The following THAP1 variants were observed in gnomAD, a reference collection of about 807,000 sequenced individuals.
THAP1 encodes THAP domain-containing protein 1.
Under a neutral mutation model 18.2 loss-of-function variants are expected in THAP1, and 6 were observed. The observed-to-expected ratio is 0.33, with a 90% CI of 0.18 to 0.65. The LOEUF is 0.65. THAP1 is among the 30% of genes least tolerant of loss of function. THAP1 has a pLI of 0.74. For synonymous variants in THAP1, 85 were observed against 90.5 expected (o/e 0.94, Z 0.34); for missense variants, 176 against 253.0 (o/e 0.70, Z 2.06).
chr8:42,839,559 A>C (rs551291803), intron 1 of THAP1, among the ~76,000 whole-genome samples, 178 bp from the exon 2 acceptor site: 172 of 152,292 alleles, frequency 1.1e-3, no homozygotes, highest in African/African-American at 3.8e-3. Context: ...ATTTTTTAAA[A>C]ATTTTTTTGA....
rs1375424771 is a variant in THAP1 at position 42,838,495 on chromosome 8, T to C, written c.268-159A>G. The stretch of plus-strand genomic sequence containing the variant: ...TGAGGTCAGGAGTTTGAGACCAGCC[T>C]GGCCAACATGGTGAAACCCTGTCTC... On this transcript the variant is annotated intron_variant, in intron 2 of 2. Transcript: ENST00000254250. Among the ~76,000 whole-genome samples the C allele has an allele frequency of 5.9e-5, 9 of 152,150 alleles. No homozygotes were observed. Among genetic ancestry groups the C allele is most frequent in the Admixed American group, 3.9e-4 (6 of 15,266 alleles).
intron 1 of THAP1, 112 bp downstream of exon 1, chr8:42,842,912 A>G (rs1802751720): frequency 1.4e-6 from 1 of 697,762 alleles, no homozygotes; most frequent in Non-Finnish European, 1.9e-6. Context: ...GGCCGGCCCC[A>G]GACCCCACCC....
At chr8:42,842,951 C>T in intron 1 of THAP1, 73 bp downstream of exon 1, 1 of 1,265,410 alleles carries the variant, frequency 7.9e-7, no homozygotes. Context: ...CGCCTGGCTC[C>T]GCCCCCGGCC....
intron 1 of THAP1, among the ~76,000 whole-genome samples, chr8:42,840,197 A>AC (rs1802691609): frequency 6.6e-6 from 1 of 152,166 alleles, no homozygotes; most frequent in Non-Finnish European, 1.5e-5. Flanking sequence ...CGTCTCAAAA[A>AC]GAAAAAAATA....
chr8:42,838,303 G>C lies in THAP1; in HGVS notation c.301C>G (p.Pro101Ala). The C allele has an allele frequency of 1.9e-6, 3 of 1,614,032 alleles. No individual in the cohort carries two copies. The highest frequency in any genetic ancestry group is 2.5e-6 in the Non-Finnish European group (3 of 1,179,938). ...ACAGGAGGCGGTAAAGGAGGTGGGG[G>C]AAGCTGTTCCTGTGGCTCCAGAAGA... ...EDLLEPQEQL[P>A]PPPLPPPVSQ... The change falls in exon 3 of 3, where the codon CCC becomes GCC. Residue 101 changes from proline to alanine, a missense_variant. Transcript: ENST00000254250.
Position 42,838,304 on chromosome 8 carries a change from A to C in THAP1, c.300T>G (p.Leu100=). 1 of 1,614,024 alleles carries C rather than the reference A, an allele frequency of 6.2e-7. No individual in the cohort carries two copies. Among genetic ancestry groups the C allele is most frequent in the Non-Finnish European group, 8.5e-7 (1 of 1,179,924 alleles). ...KEDLLEPQEQ[L]PPPPLPPPVS... is the part of the protein sequence containing the mutation. Reference sequence around the variant, plus strand: ...CAGGAGGCGGTAAAGGAGGTGGGGGAAGCTGTTCCTGTGGCTCCAGAAGAT... The same window carrying C: ...CAGGAGGCGGTAAAGGAGGTGGGGGCAGCTGTTCCTGTGGCTCCAGAAGAT... Residue 100 remains leucine, a synonymous_variant, in exon 3 of 3, where the codon CTT becomes CTG. Transcript: ENST00000254250.
chr8:42,837,879 A>T lies in THAP1; in HGVS notation c.*83T>A. ...GTTTTTATATAAGTAATCAAATGTT[A>T]TTTTTTTAAATGAAACTCCTTTACA... On this transcript the variant is annotated 3_prime_UTR_variant, in exon 3 of 3. Transcript: ENST00000254250. 2.0e-6 allele frequency: 3 copies of T among 1,479,396 alleles called. No homozygotes were observed. The highest frequency in any genetic ancestry group is 1.3e-5 in the South Asian group (1 of 78,020). The allele number at this position is 1,479,396 out of a possible 1,614,324, so 91.6% of individuals were successfully genotyped here.
chr8:42,842,928 T>G (rs1403606568), intron 1 of THAP1, 96 bp downstream of exon 1: 132 of 347,704 alleles, frequency 3.8e-4, no homozygotes, highest in Non-Finnish European at 5.0e-4. Context: ...CACCCGCCCC[T>G]CGCGCGGACA....
At chr8:42,842,909 C>T in intron 1 of THAP1, 115 bp downstream of exon 1, 2 of 851,996 alleles carry the variant, frequency 2.3e-6, no homozygotes, top group Admixed American at 5.1e-5. Context: ...CACGGCCGGC[C>T]CCAGACCCCA....
chr8:42,839,398 A>G lies in THAP1; in HGVS notation c.72-17T>C. 2 of 1,613,600 alleles carry G rather than the reference A, an allele frequency of 1.2e-6. No individual in the cohort carries two copies. The highest frequency in any genetic ancestry group is 1.7e-6 in the Non-Finnish European group (2 of 1,179,850). On this transcript the variant is annotated splice_polypyrimidine_tract_variant and intron_variant, in intron 1 of 2. Coordinates refer to ENST00000254250, the MANE Select transcript of THAP1 (RefSeq NM_018105.3). The stretch of plus-strand genomic sequence containing the variant: ...AGAGGAAACCTAAGAAGAAGGCATA[A>G]TTCAATTATCTGTCCTGATTTTTTA...
At chr8:42,838,941 T>A (rs1198467031) in intron 2 of THAP1, among the ~76,000 whole-genome samples, 1 of 152,174 alleles carries the variant, frequency 6.6e-6, no homozygotes, top group African/African-American at 2.4e-5. Context: ...CCAAAACTTA[T>A]CAATATATAA....
At position 42,843,286 on chromosome 8, in the gene THAP1, A is replaced by C; in HGVS notation, c.-192T>G. 1 of 665,296 alleles carries C rather than the reference A, an allele frequency of 1.5e-6. No individual in the cohort carries two copies. Among genetic ancestry groups the C allele is most frequent in the Non-Finnish European group, 2.7e-6 (1 of 371,880 alleles). The allele number at this position is 665,296 out of a possible 1,614,324, so 41.2% of individuals were successfully genotyped here. Reference sequence around the variant, plus strand: ...TTGCATTAGCAGAAGGACCACAGCCATCGCCCGTCTCCCATCTCCAAGATG... The same window carrying C: ...TTGCATTAGCAGAAGGACCACAGCCCTCGCCCGTCTCCCATCTCCAAGATG... On this transcript the variant is annotated 5_prime_UTR_variant, in exon 1 of 3. It removes an upstream start codon present in the reference 5' UTR. Coordinates refer to ENST00000254250, the MANE Select transcript of THAP1 (RefSeq NM_018105.3).
In THAP1 at chr8:42,838,334, T is replaced by C; in HGVS notation, c.270A>G (p.Lys90=). 4.3e-6 allele frequency: 7 copies of C among 1,613,632 alleles called. No individual in the cohort carries two copies. Among genetic ancestry groups the C allele is most frequent in the Non-Finnish European group, 4.2e-6 (5 of 1,179,876 alleles). The change falls in exon 3 of 3, where the codon AAA becomes AAG. Residue 90 remains lysine (K), a splice_region_variant and synonymous_variant. Transcript: ENST00000254250. Reference sequence around the variant, plus strand: ...GTTCCTGTGGCTCCAGAAGATCTTCTTTCTAAAACAAAAATACAAAGTATG... The same window carrying C: ...GTTCCTGTGGCTCCAGAAGATCTTCCTTCTAAAACAAAAATACAAAGTATG... ...IFLCTEPHDK[K]EDLLEPQEQL...
At chr8:42,841,792 G>A (rs913910697) in intron 1 of THAP1, among the ~76,000 whole-genome samples, 1 of 152,128 alleles carries the variant, frequency 6.6e-6, no homozygotes, top group Non-Finnish European at 1.5e-5. Flanking sequence ...TAAATCAAGA[G>A]ATAATATTAG....
At chr8:42,839,538 CTCATT>C (rs1237941999) in intron 1 of THAP1, among the ~76,000 whole-genome samples, 157 bp from the exon 2 acceptor site, 1 of 151,180 alleles carries the variant, frequency 6.6e-6, no homozygotes, top group African/African-American at 2.5e-5. Flanking sequence ...ATCTATTTAT[CTCATT>C]TATTAATTTT....
At chr8:42,842,903 G>A in intron 1 of THAP1, 121 bp downstream of exon 1, 3 of 769,818 alleles carry the variant, frequency 3.9e-6, no homozygotes, top group Non-Finnish European at 5.0e-6. Flanking sequence ...GCCCGACACG[G>A]CCGGCCCCAG....
intron 1 of THAP1, among the ~76,000 whole-genome samples, chr8:42,840,984 A>G (rs930770762): frequency 2.1e-4 from 32 of 151,508 alleles, no homozygotes; most frequent in Non-Finnish European, 3.2e-4. Context: ...AAAAAAAAAA[A>G]AAAGAAAGAA....
At position 42,843,116 on chromosome 8, in the gene THAP1, C is replaced by T; in HGVS notation, c.-22G>A. 2 of 1,613,258 alleles carry T rather than the reference C, an allele frequency of 1.2e-6. No homozygotes were observed. Among genetic ancestry groups the T allele is most frequent in the South Asian group, 1.1e-5 (1 of 91,074 alleles). ...CCATCCTTCCGGTCCTCAGGCACTT[C>T]ACTTCTGCCGCCGCAGAAGGCAGGG... On this transcript the variant is annotated 5_prime_UTR_variant, in exon 1 of 3. Transcript: ENST00000254250.
chr8:42,839,972 G>A (rs1329635056), intron 1 of THAP1, among the ~76,000 whole-genome samples: 4 of 152,050 alleles, frequency 2.6e-5, no homozygotes, highest in Non-Finnish European at 5.9e-5. Context: ...ACTGTCCGAG[G>A]GACTACTTAA....
Sources: allele counts gnomAD v4.1 joint callset (sites outside exome capture counted in the v4.1 genomes callset), GRCh38; gene constraint gnomAD v4.1.1; transcripts MANE v1.5; gene names NCBI Gene and HGNC (gene_info 2026-07-23, HGNC 2026-07-21).